The following NAALADL2 variants were observed in gnomAD, a reference collection of about 807,000 sequenced individuals.
NAALADL2 encodes inactive N-acetylated-alpha-linked acidic dipeptidase-like protein 2.
NAALADL2 carries 76 observed loss-of-function variants against 87.2 expected under a neutral mutation model. The ratio of observed to expected loss-of-function variants is 0.87; its 90% confidence interval spans 0.72 to 1.05. The LOEUF is 1.05. Ranked by LOEUF, NAALADL2 falls within the 50% of genes least tolerant of loss-of-function variation. The pLI, the probability that NAALADL2 is intolerant of heterozygous loss-of-function variation, is 0.00. For missense variants in NAALADL2, 1,089 were observed against 945.8 expected (o/e 1.15, Z -1.99); for synonymous variants, 354 against 331.0 (o/e 1.07, Z -0.75).
intron 3 of NAALADL2, among the ~76,000 whole-genome samples, chr3:174,795,503 A>G (rs1490630219): frequency 6.6e-6 from 1 of 152,176 alleles, no homozygotes; most frequent in Non-Finnish European, 1.5e-5. Flanking sequence ...ATGAACATCT[A>G]CATACAGATT....
intron 2 of NAALADL2, among the ~76,000 whole-genome samples, chr3:175,162,523 G>T (rs1009720534): frequency 2.0e-5 from 3 of 152,106 alleles, no homozygotes; most frequent in Non-Finnish European, 4.4e-5. Context: ...AGCTTTGATT[G>T]ATTGCGTCTC....
At chr3:175,546,868 G>T (rs956553382) in intron 9 of NAALADL2, among the ~76,000 whole-genome samples, 1 of 152,010 alleles carries the variant, frequency 6.6e-6, no homozygotes, top group South Asian at 2.1e-4. Flanking sequence ...CTAGGGAGGT[G>T]CAGTATATCT....
chr3:175,328,488 C>T (rs1342471773), intron 5 of NAALADL2, among the ~76,000 whole-genome samples: 6 of 151,712 alleles, frequency 4.0e-5, no homozygotes, highest in East Asian at 3.9e-4. Flanking sequence ...TCGTAGGGCA[C>T]GGGGAGCATC....
In NAALADL2 at chr3:175,485,010, G is replaced by A. The variant is rs575045168; in HGVS notation, c.1653+13252G>A. ...GTTAAGAATGGGTAACAGTAAGAAT[G>A]CAGGGATCACAAGATTTGTATATGA... On this transcript the variant is annotated intron_variant, in intron 9 of 13. Transcript: ENST00000454872. Among the ~76,000 whole-genome samples, 9 of 152,258 alleles carry A rather than the reference G, an allele frequency of 5.9e-5. No individual in the cohort carries two copies. In the South Asian group the frequency reaches 1.9e-3, roughly 32 times the overall value.
chr3:175,675,772 C>G (rs1734686202), intron 11 of NAALADL2: 2 of 152,150 alleles, frequency 1.3e-5, no homozygotes, highest in South Asian at 4.1e-4. Context: ...CCTGTCTCTT[C>G]TTATTTTGCT....
chr3:174,759,695 A>G (rs989863603), intron 3 of NAALADL2, among the ~76,000 whole-genome samples: 4 of 151,118 alleles, frequency 2.6e-5, no homozygotes, highest in African/African-American at 4.9e-5. Context: ...CAAATACAAT[A>G]CAAATCACTT....
chr3:175,103,826 C>G (rs1412360609), intron 2 of NAALADL2, among the ~76,000 whole-genome samples: 1 of 152,030 alleles, frequency 6.6e-6, no homozygotes, highest in Non-Finnish European at 1.5e-5. Context: ...ATCTTAGAAC[C>G]CTTCATTTTA....
At chr3:175,550,854 C>A (rs1424604454) in intron 9 of NAALADL2, among the ~76,000 whole-genome samples, 1 of 152,102 alleles carries the variant, frequency 6.6e-6, no homozygotes, top group Non-Finnish European at 1.5e-5. Flanking sequence ...CTCACATATG[C>A]CTAAAACATT....
chr3:174,526,672 CTTTTTCTTTTT>C (rs1158032132), intron 1 of NAALADL2, among the ~76,000 whole-genome samples: 3 of 140,816 alleles, frequency 2.1e-5, no homozygotes, highest in Non-Finnish European at 4.5e-5. Flanking sequence ...AATTGTTTTT[CTTTTTCTTTTT>C]TTTTTTTTTT....
intron 2 of NAALADL2, among the ~76,000 whole-genome samples, chr3:174,607,374 T>A (rs563523526): frequency 3.7e-4 from 56 of 151,400 alleles, no homozygotes; most frequent in African/African-American, 1.2e-3. Flanking sequence ...AGACTGGCAA[T>A]TTGGATAAAG....
chr3:174,828,485 C>G (rs1339181427), intron 3 of NAALADL2, among the ~76,000 whole-genome samples: 1 of 152,120 alleles, frequency 6.6e-6, no homozygotes, highest in Non-Finnish European at 1.5e-5. Flanking sequence ...TGGAGTAAAG[C>G]TAGGCCTTCA....
chr3:174,727,964 A>G (rs2108972698), intron 2 of NAALADL2, among the ~76,000 whole-genome samples: 1 of 152,176 alleles, frequency 6.6e-6, no homozygotes, highest in Non-Finnish European at 1.5e-5. Flanking sequence ...TATAGTTGGG[A>G]TCATACTTTG....
intron 2 of NAALADL2, among the ~76,000 whole-genome samples, chr3:174,609,115 A>T (rs144749521): frequency 5.3e-5 from 8 of 151,548 alleles, no homozygotes; most frequent in African/African-American, 1.5e-4. Flanking sequence ...ATTCAACAAC[A>T]CTTCATGCTA....
intron 2 of NAALADL2, among the ~76,000 whole-genome samples, chr3:174,559,783 T>C (rs886355631): frequency 2.0e-5 from 3 of 152,150 alleles, no homozygotes; most frequent in Admixed American, 2.0e-4. Flanking sequence ...GCTCCACCCT[T>C]ATGTCCTAAT....
rs1754417638 is a variant in NAALADL2, at chr3:175,803,317, A to G, written c.*114A>G. The G allele has an allele frequency of 1.6e-6, 1 of 610,406 alleles. No homozygotes were observed. The highest frequency in any genetic ancestry group is 2.7e-6 in the Non-Finnish European group (1 of 365,254). The allele number at this position is 610,406 out of a possible 1,614,324, so 37.8% of individuals were successfully genotyped here. On this transcript the variant is annotated 3_prime_UTR_variant, in exon 14 of 14. Transcript: ENST00000454872. Reference sequence around the variant, plus strand: ...TTTCCCCAATGGCTTTTTGACAAGTATAAAGCTATTATTACATTGTATTTT... The same window carrying G: ...TTTCCCCAATGGCTTTTTGACAAGTGTAAAGCTATTATTACATTGTATTTT...
chr3:174,491,525 C>G (rs1274386902), intron 1 of NAALADL2, among the ~76,000 whole-genome samples: 1 of 152,074 alleles, frequency 6.6e-6, no homozygotes, highest in Non-Finnish European at 1.5e-5. Context: ...TACTTGTGCT[C>G]CATTGTCAAC....
intron 3 of NAALADL2, among the ~76,000 whole-genome samples, chr3:174,794,515 T>G (rs1285622727): frequency 2.6e-5 from 4 of 152,194 alleles, no homozygotes; most frequent in African/African-American, 9.6e-5. Context: ...TGCTGGAGGT[T>G]GATTACAGTT....
intron 5 of NAALADL2, among the ~76,000 whole-genome samples, chr3:175,376,109 T>C (rs1333865005): frequency 2.0e-5 from 3 of 152,262 alleles, no homozygotes; most frequent in East Asian, 3.9e-4. Context: ...GACCAGATTA[T>C]ATATTGTTAT....
At chr3:174,477,533 G>C (rs1372726462) in intron 1 of NAALADL2, among the ~76,000 whole-genome samples, 1 of 152,100 alleles carries the variant, frequency 6.6e-6, no homozygotes, top group East Asian at 1.9e-4. Context: ...TGAAAGTAAG[G>C]GGCAGTGATT....
Sources: allele counts gnomAD v4.1 joint callset (sites outside exome capture counted in the v4.1 genomes callset), GRCh38; gene constraint gnomAD v4.1.1; transcripts MANE v1.5; gene names NCBI Gene and HGNC (gene_info 2026-07-23, HGNC 2026-07-21).